Variants in NINJ2 observed in about 807,000 individuals in gnomAD.
The protein encoded by NINJ2 is ninjurin-2.
In NINJ2, 12 loss-of-function variants were observed where a neutral mutation model predicts 11.7. That is an observed-to-expected ratio of 1.02 (90% CI 0.66 to 1.66). The LOEUF is 1.66. NINJ2 is among the 40% of genes most tolerant of loss of function. NINJ2 has a pLI of 0.00. For missense variants in NINJ2, 187 were observed against 181.8 expected (o/e 1.03, Z -0.16); for synonymous variants, 93 against 76.8 (o/e 1.21, Z -1.10).
At chr12:662,380 G>A (rs139171352) in intron 1 of NINJ2, among the ~76,000 whole-genome samples, 14 of 151,794 alleles carry the variant, frequency 9.2e-5, no homozygotes, top group African/African-American at 3.4e-4. Context: ...CCAGACTCAC[G>A]CCACCCTGCC....
At chr12:634,323 G>A (rs183093445) in intron 1 of NINJ2, among the ~76,000 whole-genome samples, 1 of 120,324 alleles carries the variant, frequency 8.3e-6, no homozygotes. Context: ...ACAATGGCAC[G>A]ATCTCGGCTC....
chr12:592,009 C>T (rs1232302187), intron 1 of NINJ2, among the ~76,000 whole-genome samples: 1 of 151,790 alleles, frequency 6.6e-6, no homozygotes, highest in African/African-American at 2.4e-5. Context: ...GAGCCCCAGC[C>T]GCCAGGCTGT....
intron 1 of NINJ2, among the ~76,000 whole-genome samples, chr12:654,200 T>G (rs1937836959): frequency 1.3e-5 from 2 of 151,658 alleles, no homozygotes; most frequent in African/African-American, 4.8e-5. Context: ...AGACCTTGTA[T>G]CAAACAAAAA....
At chr12:587,806 C>A (rs1357050729) in intron 1 of NINJ2, among the ~76,000 whole-genome samples, 1 of 152,208 alleles carries the variant, frequency 6.6e-6, no homozygotes, top group African/African-American at 2.4e-5. Flanking sequence ...CCTTCCTCGC[C>A]GTCCACCCAG....
At chr12:592,027 C>T (rs984798899) in intron 1 of NINJ2, among the ~76,000 whole-genome samples, 5 of 151,924 alleles carry the variant, frequency 3.3e-5, no homozygotes, top group African/African-American at 7.3e-5. Context: ...TGTAGCCAAA[C>T]GCATATCTTG....
intron 1 of NINJ2, among the ~76,000 whole-genome samples, chr12:629,897 ATATAT>A (rs1268754733): frequency 4.9e-4 from 10 of 20,298 alleles, no homozygotes; most frequent in African/African-American, 9.5e-4. Flanking sequence ...AAAAAAAAAA[ATATAT>A]ATATATATAT....
chr12:594,447 A>T (rs1565628055), intron 1 of NINJ2, among the ~76,000 whole-genome samples: 1 of 152,192 alleles, frequency 6.6e-6, no homozygotes, highest in Non-Finnish European at 1.5e-5. Context: ...CTAACAAAAT[A>T]ATTACAAGAT....
intron 1 of NINJ2, among the ~76,000 whole-genome samples, chr12:629,845 C>CCGTT (rs936484166): frequency 1.1e-4 from 15 of 131,574 alleles, no homozygotes; most frequent in Admixed American, 2.6e-4. Flanking sequence ...CGAGATCGTG[C>CCGTT]CGTTGCACTC....
intron 1 of NINJ2, among the ~76,000 whole-genome samples, chr12:573,622 CAG>C (rs1947411157): frequency 6.6e-6 from 1 of 151,936 alleles, no homozygotes. Context: ...AACAAAAAAA[CAG>C]ATAAAAAACA....
chr12:649,529 G>GTATATATA (rs1257393720), intron 1 of NINJ2, among the ~76,000 whole-genome samples: 1 of 19,458 alleles, frequency 5.1e-5, no homozygotes. Flanking sequence ...GTGTGTATAT[G>GTATATATA]TGTATATATA....
intron 1 of NINJ2, among the ~76,000 whole-genome samples, chr12:577,218 A>T (rs73036283): frequency 8.6e-5 from 13 of 151,818 alleles, no homozygotes; most frequent in Non-Finnish European, 1.6e-4. Context: ...GTCTCTTATA[A>T]AGTAGGCTTT....
chr12:661,071 TAA>T (rs1056970450), intron 1 of NINJ2, among the ~76,000 whole-genome samples: 2 of 143,710 alleles, frequency 1.4e-5, no homozygotes, highest in Non-Finnish European at 3.1e-5. Context: ...TTGTTTTAAC[TAA>T]AGAGTGTTAT....
intron 1 of NINJ2, among the ~76,000 whole-genome samples, chr12:602,106 C>T (rs565229973): frequency 2.0e-5 from 3 of 152,268 alleles, no homozygotes; most frequent in East Asian, 3.9e-4. Flanking sequence ...GCATAAGGTA[C>T]GCTGGAGGCT....
rs150798246 is a variant in NINJ2, at chr12:623,298, C to T, written c.33+40030G>A. 5.8e-4 allele frequency among the ~76,000 whole-genome samples: 88 copies of T among 152,234 alleles called. No individual in the cohort carries two copies. In the East Asian group the frequency reaches 0.014, roughly 24 times the overall value. ...TGGTCCTTGAAGTGGAAAGCTGCTC[C>T]CATCTCTAGGAAGGATCTCCCAGCC... On this transcript the variant is annotated intron_variant, in intron 1 of 3. Transcript: ENST00000305108.
chr12:614,607 T>C lies in NINJ2; in HGVS notation c.34-48429A>G, dbSNP rs1226537678. ...CCTCTCTACATGTCTTCCTCCTCCA[T>C]GCCTAGACGTTCTTTAGTACCTGTG... On this transcript the variant is annotated intron_variant, in intron 1 of 3. Transcript: ENST00000305108. This position sits in a 1 kb window ranked among gnomAD's most constrained non-coding sequence, Gnocchi z 5.1. Among the ~76,000 whole-genome samples, 2 of 152,180 alleles carry C rather than the reference T, an allele frequency of 1.3e-5. No homozygotes were observed.
At chr12:599,474 A>G (rs1365762048) in intron 1 of NINJ2, among the ~76,000 whole-genome samples, 1 of 152,216 alleles carries the variant, frequency 6.6e-6, no homozygotes, top group East Asian at 1.9e-4. Context: ...ATAGCCCCCA[A>G]GAAAAGGGTG....
chr12:628,018 C>G lies in NINJ2; in HGVS notation c.33+35310G>C, dbSNP rs551881959. Among the ~76,000 whole-genome samples the G allele has an allele frequency of 6.6e-6, 1 of 152,356 alleles. No individual in the cohort carries two copies. The highest frequency in any genetic ancestry group is 1.5e-5 in the Non-Finnish European group (1 of 68,034). ...CCTGCCGCATCCTCCCCGCCCTGCC[C>G]CCGGCTCCTCTTTCACACCCTGTGC... is the stretch of plus-strand genomic sequence containing the variant. On this transcript the variant is annotated intron_variant, in intron 1 of 3. Coordinates refer to ENST00000305108, the MANE Select transcript of NINJ2 (RefSeq NM_016533.6). This position sits in a 1 kb window ranked among gnomAD's most constrained non-coding sequence, Gnocchi z 4.4.
At chr12:622,587 T>G (rs542019002) in intron 1 of NINJ2, among the ~76,000 whole-genome samples, 2 of 152,206 alleles carry the variant, frequency 1.3e-5, no homozygotes, top group Admixed American at 6.5e-5. Flanking sequence ...CTGCACACGT[T>G]TGCAGCATAT....
At chr12:622,260 A>G (rs1355578362) in intron 1 of NINJ2, among the ~76,000 whole-genome samples, 1 of 151,600 alleles carries the variant, frequency 6.6e-6, no homozygotes, top group Non-Finnish European at 1.5e-5. Context: ...AATACAAAAA[A>G]TTAGCCGGGT....
Sources: gnomAD v4.1 joint callset for allele counts (sites outside exome capture counted in the v4.1 genomes callset) on GRCh38, gnomAD v4.1.1 for gene constraint, Gnocchi (gnomAD v3.1) non-coding constraint, MANE v1.5 for transcripts, NCBI Gene and HGNC (gene_info 2026-07-23, HGNC 2026-07-21) for gene names.